The following CSMD2 variants were observed in gnomAD, a reference collection of about 807,000 sequenced individuals.
The protein encoded by CSMD2 is CUB and Sushi multiple domains 2, also known as CUB and sushi domain-containing protein 2.
A neutral mutation model predicts 398.5 loss-of-function variants in CSMD2; 130 were observed. That is an observed-to-expected ratio of 0.33 (90% CI 0.28 to 0.38). The LOEUF (loss-of-function observed/expected upper bound fraction) is 0.38, where lower values mean the gene tolerates loss of function less well. Ranked by LOEUF, CSMD2 falls within the 10% of genes least tolerant of loss-of-function variation. The probability of loss-of-function intolerance (pLI) is 1.00; values close to 1 mark genes in which losing one functional copy is unlikely to be tolerated. For missense variants in CSMD2, 3,829 were observed against 4,764.9 expected, an observed-to-expected ratio of 0.80 and a Z score of 5.78; for synonymous variants, 1,828 against 1,908.5, an observed-to-expected ratio of 0.96 and a Z score of 1.10.
At chr1:33,634,638 G>A (rs901662737) in intron 31 of CSMD2, among the ~76,000 whole-genome samples, 7 of 152,172 alleles carry the variant, frequency 4.6e-5, no homozygotes, top group Non-Finnish European at 7.3e-5. Flanking sequence ...TAATGAGCCT[G>A]GGTTGGTTTT....
chr1:33,621,178 A>G (rs776232331), intron 37 of CSMD2, among the ~76,000 whole-genome samples: 1 of 152,192 alleles, frequency 6.6e-6, no homozygotes, highest in Non-Finnish European at 1.5e-5. Context: ...GTTTCACTAA[A>G]ATGACTGTGC....
At chr1:33,553,694 A>C (rs571216635) in intron 55 of CSMD2, among the ~76,000 whole-genome samples, 3 of 152,204 alleles carry the variant, frequency 2.0e-5, no homozygotes, top group Non-Finnish European at 4.4e-5. Context: ...TTGTGAATGC[A>C]AAGGAAAAGT....
In CSMD2 at chr1:33,769,581, A is replaced by G. The variant is rs79015665; in HGVS notation, c.1846+2988T>C. On this transcript the variant is annotated intron_variant, in intron 13 of 70. Coordinates refer to ENST00000373381, the MANE Select transcript of CSMD2 (RefSeq NM_001281956.2). Reference sequence around the variant, plus strand: ...GCATCTACTACTGTGAGGGCAGCTCAAAAGCCAACAAAATGATTCTGAAGT... The same window carrying G: ...GCATCTACTACTGTGAGGGCAGCTCGAAAGCCAACAAAATGATTCTGAAGT... 7.1e-3 allele frequency among the ~76,000 whole-genome samples: 1,079 copies of G among 152,358 alleles called. 18 individuals carry two copies. The highest frequency in any genetic ancestry group is 0.025 in the African/African-American group (1,042 of 41,602).
chr1:34,065,157 C>G (rs533355622), intron 2 of CSMD2, among the ~76,000 whole-genome samples: 24 of 152,238 alleles, frequency 1.6e-4, no homozygotes, highest in Non-Finnish European at 2.8e-4. Flanking sequence ...CTCCCCTCCC[C>G]CAACCCCACC....
In CSMD2 at chr1:33,559,177, T is replaced by A; in HGVS notation, c.8554+123A>T. ...GTCCTCATTTATGACCCTTCTCTGC[T>A]CCATCTTCCCTATCTGGATCAGAAT... On this transcript the variant is annotated intron_variant, in intron 54 of 70. Transcript: ENST00000373381. This position sits in a 1 kb window ranked among gnomAD's most constrained non-coding sequence, Gnocchi z 4.0. 1.1e-6 allele frequency: 1 copy of A among 881,062 alleles called. No individual in the cohort carries two copies. Among genetic ancestry groups the A allele is most frequent in the South Asian group, 1.9e-5 (1 of 52,042 alleles). 54.6% of individuals were successfully genotyped at this position (881,062 alleles called of 1,614,324 possible). A position where few individuals can be genotyped will look rare whatever the true frequency, so the allele number is the denominator to read the frequency against.
intron 3 of CSMD2, among the ~76,000 whole-genome samples, chr1:33,967,573 C>T (rs961846215): frequency 6.6e-6 from 1 of 152,198 alleles, no homozygotes; most frequent in Non-Finnish European, 1.5e-5. Context: ...GCCAAACGTC[C>T]ATGATGGTCA....
At chr1:33,938,056 T>C (rs565872638) in intron 3 of CSMD2, among the ~76,000 whole-genome samples, 10 of 152,378 alleles carry the variant, frequency 6.6e-5, no homozygotes, top group South Asian at 4.1e-4. Context: ...CAAAAATTCA[T>C]TGTGGGCTTA....
intron 48 of CSMD2, among the ~76,000 whole-genome samples, chr1:33,580,467 T>C (rs535435508): frequency 6.6e-6 from 1 of 152,362 alleles, no homozygotes; most frequent in South Asian, 2.1e-4. Flanking sequence ...GAAACTTTTA[T>C]TAGCATTTCC....
chr1:33,640,658 C>T lies in CSMD2; in HGVS notation c.4775-4104G>A, dbSNP rs559853213. 1.1e-4 allele frequency among the ~76,000 whole-genome samples: 16 copies of T among 152,156 alleles called. No homozygotes were observed. In the East Asian group the frequency reaches 2.3e-3, roughly 22 times the overall value. ...TTACTTTATATTTATAGAAAGTATCCGAAATGAGATACCAAGCTGTTAATA... is the reference window on the plus strand; with the variant it reads ...TTACTTTATATTTATAGAAAGTATCTGAAATGAGATACCAAGCTGTTAATA... On this transcript the variant is annotated intron_variant, in intron 29 of 70. Coordinates refer to ENST00000373381, the MANE Select transcript of CSMD2 (RefSeq NM_001281956.2).
chr1:33,929,595 G>A (rs1329034915), intron 4 of CSMD2, among the ~76,000 whole-genome samples: 2 of 151,754 alleles, frequency 1.3e-5, no homozygotes, highest in Non-Finnish European at 2.9e-5. Flanking sequence ...GTGACACCAC[G>A]TCCAGCTAAT....
intron 42 of CSMD2, among the ~76,000 whole-genome samples, chr1:33,602,762 C>T (rs1640314248): frequency 6.6e-6 from 1 of 152,194 alleles, no homozygotes; most frequent in African/African-American, 2.4e-5. Context: ...ATCATCACTG[C>T]AGGCCCCTCT....
chr1:33,813,196 G>A (rs1167420729), intron 9 of CSMD2: 2 of 152,216 alleles, frequency 1.3e-5, no homozygotes, highest in Non-Finnish European at 2.9e-5. Flanking sequence ...TGAAGGTAAT[G>A]AGAGAGAACA....
At chr1:33,675,395 C>G (rs2149043681) in intron 25 of CSMD2, among the ~76,000 whole-genome samples, 1 of 152,272 alleles carries the variant, frequency 6.6e-6, no homozygotes, top group East Asian at 1.9e-4. Context: ...TACACCCTCC[C>G]AAGACTAAAC....
At chr1:34,142,524 T>A (rs565230577) in intron 1 of CSMD2, among the ~76,000 whole-genome samples, 1 of 152,142 alleles carries the variant, frequency 6.6e-6, no homozygotes, top group African/African-American at 2.4e-5. Flanking sequence ...GTCTCCTTTA[T>A]AGAGATGAGA....
At chr1:33,585,173 G>A (rs1435204274) in intron 46 of CSMD2, among the ~76,000 whole-genome samples, 1 of 152,202 alleles carries the variant, frequency 6.6e-6, no homozygotes, top group East Asian at 1.9e-4. Context: ...ACTGCACACG[G>A]AGAAATCAGT....
chr1:34,073,650 T>A (rs1655984669), intron 2 of CSMD2, among the ~76,000 whole-genome samples: 2 of 152,318 alleles, frequency 1.3e-5, no homozygotes, highest in Admixed American at 1.3e-4. Context: ...AAGGAATGGA[T>A]TTTTAAAAGG....
chr1:34,105,072 T>C (rs1660396806), intron 1 of CSMD2, among the ~76,000 whole-genome samples: 1 of 152,242 alleles, frequency 6.6e-6, no homozygotes. Flanking sequence ...TCTCCCTATT[T>C]CGTGCATTAA....
At chr1:33,567,863 A>T (rs1452634470) in intron 52 of CSMD2, 22 bp from the exon 53 acceptor site, 1 of 1,551,964 alleles carries the variant, frequency 6.4e-7, no homozygotes, top group Admixed American at 1.9e-5. Flanking sequence ...GATGGTGGGG[A>T]AAAGGACCAA....
intron 10 of CSMD2, among the ~76,000 whole-genome samples, chr1:33,806,706 T>A (rs1195961593): frequency 1.3e-5 from 2 of 152,126 alleles, no homozygotes; most frequent in East Asian, 3.9e-4. Flanking sequence ...TATGACAATA[T>A]GACTAAGAAC....
Sources: gnomAD v4.1 joint callset for allele counts (sites outside exome capture counted in the v4.1 genomes callset) on GRCh38, gnomAD v4.1.1 for gene constraint, Gnocchi (gnomAD v3.1) non-coding constraint, MANE v1.5 for transcripts, NCBI Gene and HGNC (gene_info 2026-07-23, HGNC 2026-07-21) for gene names.